The following ANKRD28 variants were observed in gnomAD, a reference collection of about 807,000 sequenced individuals.
ANKRD28 encodes ankyrin repeat domain 28.
ANKRD28 carries 44 observed loss-of-function variants against 126.5 expected under a neutral mutation model. The observed-to-expected ratio is 0.35, with a 90% confidence interval of 0.27 to 0.45. The LOEUF is 0.45. ANKRD28 is among the 20% of genes least tolerant of loss of function. ANKRD28 has a pLI of 1.00. For synonymous variants in ANKRD28, 442 were observed against 468.5 expected (o/e 0.94, Z 0.73); for missense variants, 1,110 against 1,316.6 (o/e 0.84, Z 2.43).
chr3:15,706,062 A>AT (rs892382098), intron 14 of ANKRD28, among the ~76,000 whole-genome samples: 54 of 149,124 alleles, frequency 3.6e-4, no homozygotes, highest in African/African-American at 5.2e-4. Context: ...AACCCCTAGA[A>AT]TTTTTTTTTT....
At chr3:15,803,341 G>A (rs544162723) in intron 1 of ANKRD28, among the ~76,000 whole-genome samples, 1 of 152,042 alleles carries the variant, frequency 6.6e-6, no homozygotes, top group Non-Finnish European at 1.5e-5. Flanking sequence ...TTTAGAGGCC[G>A]TGCACGGTGG....
At chr3:15,818,382 T>G (rs77203591) in intron 1 of ANKRD28, among the ~76,000 whole-genome samples, 1,995 of 152,268 alleles carry the variant, frequency 0.013, 19 homozygotes, top group Non-Finnish European at 0.021. Flanking sequence ...AAATTTAAAA[T>G]AGTTTACAAA....
chr3:15,721,571 G>T (rs141882527), intron 7 of ANKRD28, among the ~76,000 whole-genome samples: 1 of 152,080 alleles, frequency 6.6e-6, no homozygotes, highest in Non-Finnish European at 1.5e-5. Flanking sequence ...GCTAACCTTA[G>T]TAATAAAGTA....
rs932373844 is a variant in ANKRD28, at chr3:15,670,034, A to G, written c.*236T>C. The stretch of plus-strand genomic sequence containing the variant: ...CAAAACCAAATTAAACAATTCCACA[A>G]AGAATTCTGACATCAATGTGTTTTC... On this transcript the variant is annotated 3_prime_UTR_variant, in exon 28 of 28. Coordinates refer to ENST00000683139, the MANE Select transcript of ANKRD28 (RefSeq NM_001349278.2). 5.9e-5 allele frequency: 28 copies of G among 473,828 alleles called. No homozygotes were observed. Among genetic ancestry groups the G allele is most frequent in the Non-Finnish European group, 9.4e-5 (25 of 267,182 alleles). The allele number at this position is 473,828 out of a possible 1,614,324, so 29.4% of individuals were successfully genotyped here. A position where few individuals can be genotyped will look rare whatever the true frequency, so the allele number is the denominator to read the frequency against.
In ANKRD28 at chr3:15,796,385, T is replaced by C; in HGVS notation, c.117+20A>G. On this transcript the variant is annotated intron_variant, in intron 1 of 27. Transcript: ENST00000683139. ...CTAGTTCAGTAGAATATAGTAAACA[T>C]ATAAACTTACATATCTTACCAATAC... 2 of 1,269,208 alleles carry C rather than the reference T, an allele frequency of 1.6e-6. No homozygotes were observed. Among genetic ancestry groups the C allele is most frequent in the Non-Finnish European group, 2.1e-6 (2 of 973,162 alleles). 78.6% of individuals were successfully genotyped at this position (1,269,208 alleles called of 1,614,324 possible).
Position 15,812,347 on chromosome 3 carries a change from T to G in ANKRD28, c.28-17041A>C, listed in dbSNP as rs1008700506. Among the ~76,000 whole-genome samples, 1 of 152,124 alleles carries G rather than the reference T, an allele frequency of 6.6e-6. No individual in the cohort carries two copies. Among genetic ancestry groups the G allele is most frequent in the Non-Finnish European group, 1.5e-5 (1 of 68,016 alleles). ...TAAATGAATTTTCAAATGGTGCCCT[T>G]AGGTAAATTTAGAAAGGGTTTGCAG... On this transcript the variant is annotated intron_variant, in intron 1 of 27. Transcript: ENST00000399451. The surrounding 1 kb of genome is among the most constrained non-coding windows in gnomAD (Gnocchi z 4.1).
intron 2 of ANKRD28, among the ~76,000 whole-genome samples, chr3:15,778,446 T>C (rs1177839418): frequency 6.6e-6 from 1 of 152,174 alleles, no homozygotes; most frequent in Non-Finnish European, 1.5e-5. Flanking sequence ...GTTTTTTGGC[T>C]CATTCAGGAA....
chr3:15,851,544 A>AAAATAAAT (rs141544673), intron 1 of ANKRD28, among the ~76,000 whole-genome samples: 5 of 145,550 alleles, frequency 3.4e-5, no homozygotes, highest in African/African-American at 5.2e-5. Flanking sequence ...ACTCTGTGTC[A>AAAATAAAT]AAATAAATAA....
chr3:15,832,010 C>G (rs2061203830), intron 1 of ANKRD28, among the ~76,000 whole-genome samples: 1 of 152,156 alleles, frequency 6.6e-6, no homozygotes, highest in African/African-American at 2.4e-5. Context: ...CACACTTAAT[C>G]AGAATTCATT....
intron 1 of ANKRD28, among the ~76,000 whole-genome samples, chr3:15,810,922 A>G (rs1442124408): frequency 6.6e-6 from 1 of 152,188 alleles, no homozygotes; most frequent in Non-Finnish European, 1.5e-5. Flanking sequence ...AACTCCTGTA[A>G]GCCTGAGACT....
At chr3:15,783,527 A>G (rs998824866) in intron 2 of ANKRD28, among the ~76,000 whole-genome samples, 13 of 151,190 alleles carry the variant, frequency 8.6e-5, no homozygotes, top group Non-Finnish European at 1.3e-4. Flanking sequence ...TACACAAGAG[A>G]AAAAAAAAGC....
At chr3:15,790,410 T>C (rs2059973286) in intron 2 of ANKRD28, among the ~76,000 whole-genome samples, 1 of 151,988 alleles carries the variant, frequency 6.6e-6, no homozygotes, top group Admixed American at 6.6e-5. Flanking sequence ...CTAGCACAAC[T>C]GAATTCAACA....
chr3:15,799,587 G>T (rs1039888241), upstream of ANKRD28, among the ~76,000 whole-genome samples: 1 of 151,964 alleles, frequency 6.6e-6, no homozygotes, highest in Non-Finnish European at 1.5e-5. Context: ...CTTAATATTT[G>T]AAATATCTGA....
intron 14 of ANKRD28, among the ~76,000 whole-genome samples, chr3:15,706,198 G>A (rs1235284313): frequency 1.3e-5 from 2 of 151,736 alleles, no homozygotes; most frequent in Non-Finnish European, 1.5e-5. Flanking sequence ...CCATTAACTC[G>A]TCACTTACAT....
At chr3:15,746,073 T>C (rs1362152528) in intron 4 of ANKRD28, among the ~76,000 whole-genome samples, 1 of 152,216 alleles carries the variant, frequency 6.6e-6, no homozygotes, top group African/African-American at 2.4e-5. Context: ...CCTGAAACTT[T>C]GCTAAATTCA....
intron 2 of ANKRD28, among the ~76,000 whole-genome samples, chr3:15,778,165 T>C (rs982641040): frequency 6.6e-6 from 1 of 152,182 alleles, no homozygotes; most frequent in Non-Finnish European, 1.5e-5. Context: ...ACAATCATCA[T>C]ATTAATTGAC....
In ANKRD28 at chr3:15,737,069, A is replaced by C. The variant is rs2075067662; in HGVS notation, c.516T>G (p.Thr172=). The change falls in exon 5 of 28, where the codon ACT becomes ACG. Residue 172 remains threonine, a synonymous_variant. Coordinates refer to ENST00000683139, the MANE Select transcript of ANKRD28 (RefSeq NM_001349278.2). ...NVNVSDRAGR[T]ALHHAAFSGH... Reference sequence around the variant, plus strand: ...CACTGAAAGCTGCATGATGTAATGCAGTCCTCCCTGCTCGATCAGATACGT... The same window carrying C: ...CACTGAAAGCTGCATGATGTAATGCCGTCCTCCCTGCTCGATCAGATACGT... 1.9e-6 allele frequency: 3 copies of C among 1,614,032 alleles called. No homozygotes were observed. The highest frequency in any genetic ancestry group is 2.5e-6 in the Non-Finnish European group (3 of 1,179,882).
At position 15,853,954 on chromosome 3, in the gene ANKRD28, A is replaced by C. The variant is rs2061706934; in HGVS notation, c.27+5423T>G. 6.6e-6 allele frequency among the ~76,000 whole-genome samples: 1 copy of C among 152,186 alleles called. No homozygotes were observed. Reference sequence around the variant, plus strand: ...ACTCTCATTCAAACTTTTGCCTAGTACTTAATGTTCTCGATCTGTACTAAA... The same window carrying C: ...ACTCTCATTCAAACTTTTGCCTAGTCCTTAATGTTCTCGATCTGTACTAAA... On this transcript the variant is annotated intron_variant, in intron 1 of 27. Coordinates refer to the ANKRD28 transcript ENST00000399451. The surrounding 1 kb of genome is among the most constrained non-coding windows in gnomAD (Gnocchi z 4.2).
In ANKRD28 at chr3:15,677,052, T is replaced by G; in HGVS notation, c.2795A>C (p.His932Pro). ...TALHLACSKG[H>P]ETSALLILEK... is the part of the protein sequence containing the mutation. Reference sequence around the variant, plus strand: ...CAGTATTAACAAGGCACTAGTTTCATGACCCTATAATTGTGGCAGATAAGT... The same window carrying G: ...CAGTATTAACAAGGCACTAGTTTCAGGACCCTATAATTGTGGCAGATAAGT... The change falls in exon 26 of 28, where the codon CAT (histidine) becomes CCT (proline). Residue 932 changes from histidine to proline, a missense_variant. By Grantham distance (77) the His-to-Pro change is moderately conservative. Coordinates refer to ENST00000683139, the MANE Select transcript of ANKRD28 (RefSeq NM_001349278.2). 3 of 1,612,934 alleles carry G rather than the reference T, an allele frequency of 1.9e-6. No individual in the cohort carries two copies. Among genetic ancestry groups the G allele is most frequent in the Non-Finnish European group, 2.5e-6 (3 of 1,179,210 alleles).
Sources: allele counts gnomAD v4.1 joint callset (sites outside exome capture counted in the v4.1 genomes callset), GRCh38; gene constraint gnomAD v4.1.1; non-coding constraint Gnocchi (gnomAD v3.1); transcripts MANE v1.5; gene names NCBI Gene and HGNC (gene_info 2026-07-23, HGNC 2026-07-21).